Variants in FRMD4B observed in about 807,000 individuals in gnomAD.
FRMD4B encodes FERM domain-containing protein 4B.
A neutral mutation model predicts 141.5 loss-of-function variants in FRMD4B; 74 were observed. The ratio of observed to expected loss-of-function variants is 0.52; its 90% CI spans 0.43 to 0.63. The LOEUF (loss-of-function observed/expected upper bound fraction) is 0.63, where lower values mean the gene tolerates loss of function less well. Ranked by LOEUF, FRMD4B falls within the 30% of genes least tolerant of loss-of-function variation. The pLI, the probability that FRMD4B is intolerant of heterozygous loss-of-function variation, is 0.00. For missense variants in FRMD4B, 1,366 were observed against 1,253.4 expected, an observed-to-expected ratio of 1.09 and a Z score of -1.36; for synonymous variants, 506 against 467.9, an observed-to-expected ratio of 1.08 and a Z score of -1.05.
chr3:69,304,492 A>AAC (rs1306180852), intron 3 of FRMD4B, among the ~76,000 whole-genome samples: 3,322 of 151,016 alleles, frequency 0.022, 143 homozygotes, highest in African/African-American at 0.077. Flanking sequence ...TCAAAAAAAA[A>AAC]AAAAAAAAAA....
At chr3:69,536,261 C>T (rs890922300) in intron 1 of FRMD4B, 3 of 615,738 alleles carry the variant, frequency 4.9e-6, no homozygotes, top group Non-Finnish European at 9.0e-6. Flanking sequence ...TTCCGCTCTC[C>T]TGGGGACCAT....
intron 5 of FRMD4B, among the ~76,000 whole-genome samples, chr3:69,279,560 A>G (rs2093633862): frequency 6.6e-6 from 1 of 152,168 alleles, no homozygotes; most frequent in Admixed American, 6.5e-5. Context: ...CCTGTGCTCA[A>G]GTGATCTTCT....
At chr3:69,408,216 A>G (rs890540462) in intron 2 of FRMD4B, among the ~76,000 whole-genome samples, 1 of 152,228 alleles carries the variant, frequency 6.6e-6, no homozygotes, top group African/African-American at 2.4e-5. Flanking sequence ...ATTTGTTTCT[A>G]GAAAGGAATT....
chr3:69,227,422 G>C (rs2107769907), intron 7 of FRMD4B, among the ~76,000 whole-genome samples: 1 of 152,218 alleles, frequency 6.6e-6, no homozygotes, highest in East Asian at 1.9e-4. Context: ...CAGCGCTTTG[G>C]GAGGCCAAGG....
chr3:69,358,501 C>CA (rs1252350050), intron 1 of FRMD4B, among the ~76,000 whole-genome samples: 35 of 151,246 alleles, frequency 2.3e-4, no homozygotes, highest in African/African-American at 7.0e-4. Flanking sequence ...TTTGGGAAGC[C>CA]AAAAAAAACA....
intron 1 of FRMD4B, among the ~76,000 whole-genome samples, chr3:69,530,635 T>C (rs964050591): frequency 1.3e-5 from 2 of 152,156 alleles, no homozygotes; most frequent in Non-Finnish European, 2.9e-5. Flanking sequence ...GTTTAGTATC[T>C]GGCCCTCCAC....
chr3:69,188,042 T>C, intron 18 of FRMD4B, 125 bp from the exon 19 acceptor site: 1 of 652,330 alleles, frequency 1.5e-6, no homozygotes, highest in Non-Finnish European at 2.7e-6. Context: ...CCAAAGATGA[T>C]ATTTTTAGAA....
intron 2 of FRMD4B, among the ~76,000 whole-genome samples, chr3:69,312,062 C>CA (rs1314331264): frequency 1.3e-5 from 2 of 152,132 alleles, no homozygotes; most frequent in Non-Finnish European, 2.9e-5. Context: ...AAATTGTACC[C>CA]ATTCCACACA....
intron 22 of FRMD4B, 99 bp downstream of exon 22, chr3:69,176,425 C>T: frequency 9.7e-7 from 1 of 1,030,236 alleles, no homozygotes; most frequent in South Asian, 1.5e-5. Context: ...TAGAGTTTGC[C>T]AACCCCTGAA....
At chr3:69,173,965 T>C (rs1180577311) in intron 22 of FRMD4B, among the ~76,000 whole-genome samples, 1 of 152,070 alleles carries the variant, frequency 6.6e-6, no homozygotes, top group Admixed American at 6.6e-5. Flanking sequence ...GGCAAAACCC[T>C]GTCTCTATTA....
At chr3:69,478,542 T>C (rs1345144263) in intron 1 of FRMD4B, among the ~76,000 whole-genome samples, 2 of 152,248 alleles carry the variant, frequency 1.3e-5, no homozygotes, top group Non-Finnish European at 2.9e-5. Context: ...TCCTGAGTTC[T>C]AGTTTGATTG....
intron 1 of FRMD4B, among the ~76,000 whole-genome samples, chr3:69,507,760 G>A (rs995501903): frequency 6.6e-6 from 1 of 152,062 alleles, no homozygotes; most frequent in Non-Finnish European, 1.5e-5. Context: ...TGATGGTCTG[G>A]CTTGATCCAG....
intron 1 of FRMD4B, among the ~76,000 whole-genome samples, chr3:69,373,213 T>G: frequency 6.6e-6 from 1 of 152,216 alleles, no homozygotes; most frequent in African/African-American, 2.4e-5. Flanking sequence ...ACCGACCCTT[T>G]TTACTTTAGT....
chr3:69,193,301 G>T (rs375961721), intron 17 of FRMD4B, among the ~76,000 whole-genome samples: 1 of 152,102 alleles, frequency 6.6e-6, no homozygotes, highest in East Asian at 1.9e-4. Context: ...CTGAGATCAG[G>T]AGTTTGAGAC....
intron 1 of FRMD4B, among the ~76,000 whole-genome samples, chr3:69,529,005 C>A (rs955144744): frequency 2.0e-5 from 3 of 152,132 alleles, no homozygotes; most frequent in African/African-American, 7.2e-5. Context: ...CCCACCACTT[C>A]CACAGTCAGA....
At chr3:69,200,645 G>C in intron 11 of FRMD4B, 1 of 1,231,544 alleles carries the variant, frequency 8.1e-7, no homozygotes, top group East Asian at 5.7e-5. Context: ...ATCAGGGAGA[G>C]GAGGGCAAAG....
At chr3:69,293,786 C>A (rs1043251539) in intron 4 of FRMD4B, among the ~76,000 whole-genome samples, 2 of 143,500 alleles carry the variant, frequency 1.4e-5, no homozygotes, top group Non-Finnish European at 3.0e-5. Flanking sequence ...GAGGCTGAGG[C>A]AGGAGAATCG....
intron 1 of FRMD4B, among the ~76,000 whole-genome samples, chr3:69,538,038 C>A (rs1701112270): frequency 1.3e-5 from 2 of 152,192 alleles, no homozygotes; most frequent in African/African-American, 4.8e-5. Context: ...CAAATCATAG[C>A]TCATTTTGAA....
chr3:69,314,457 A>G (rs902172568), intron 1 of FRMD4B, among the ~76,000 whole-genome samples: 10 of 151,306 alleles, frequency 6.6e-5, no homozygotes, highest in Non-Finnish European at 1.5e-4. Flanking sequence ...GAACCTGGGC[A>G]GTGGTGTTTG....
Sources: gnomAD v4.1 joint callset for allele counts (sites outside exome capture counted in the v4.1 genomes callset) on GRCh38, gnomAD v4.1.1 for gene constraint, MANE v1.5 for transcripts, NCBI Gene and HGNC (gene_info 2026-07-23, HGNC 2026-07-21) for gene names.